The following MPHOSPH6 variants were observed in gnomAD, a reference collection of about 807,000 sequenced individuals.
MPHOSPH6 encodes M-phase phosphoprotein 6.
MPHOSPH6 carries 25 observed loss-of-function variants against 21.8 expected under a neutral mutation model. The ratio of observed to expected loss-of-function variants is 1.15; its 90% CI spans 0.83 to 1.60. The LOEUF is 1.60. Among genes scored for constraint, MPHOSPH6 ranks in the 40% most tolerant of loss-of-function variants. The probability of loss-of-function intolerance (pLI) is 0.00; values close to 1 mark genes in which losing one functional copy is unlikely to be tolerated. For missense variants in MPHOSPH6, 269 were observed against 181.8 expected (o/e 1.48, Z -2.76); for synonymous variants, 84 against 56.5 (o/e 1.49, Z -2.18).
intron 1 of MPHOSPH6, among the ~76,000 whole-genome samples, chr16:82,166,890 T>C (rs1906799904): frequency 6.6e-6 from 1 of 152,166 alleles, no homozygotes; most frequent in Non-Finnish European, 1.5e-5. Context: ...GAACTCCCTG[T>C]GAATATGAAT....
intron 3 of MPHOSPH6, among the ~76,000 whole-genome samples, chr16:82,150,668 G>C (rs1906236352): frequency 6.6e-6 from 1 of 152,164 alleles, no homozygotes; most frequent in Non-Finnish European, 1.5e-5. Flanking sequence ...CTGATATTTA[G>C]TTGGTAGAGA....
At chr16:82,151,352 C>T (rs1906258115) in intron 3 of MPHOSPH6, 72 bp downstream of exon 3, 1 of 1,580,700 alleles carries the variant, frequency 6.3e-7, no homozygotes, top group African/African-American at 1.4e-5. Context: ...TGGAGAAACA[C>T]CTAAGCCCAA....
At position 82,151,471 on chromosome 16, in the gene MPHOSPH6, G is replaced by A; in HGVS notation, c.208C>T (p.Leu70Phe). Residue 70 changes from leucine to phenylalanine, a missense_variant, in exon 3 of 5, where the codon CTT becomes TTT. By Grantham distance (22) the Leu-to-Phe change is conservative. Transcript: ENST00000258169. ...EEQSFLLCED[L>F]LYGRMSFRGF... ...CTGAATGACATTCTTCCATAGAGAAGATCTTCACATAGTAAGAAACTCTGC... is the reference window on the plus strand; with the variant it reads ...CTGAATGACATTCTTCCATAGAGAAAATCTTCACATAGTAAGAAACTCTGC... 6.2e-7 allele frequency: 1 copy of A among 1,606,152 alleles called. No individual in the cohort carries two copies. The highest frequency in any genetic ancestry group is 8.5e-7 in the Non-Finnish European group (1 of 1,176,722).
chr16:82,156,956 G>C lies in MPHOSPH6; in HGVS notation c.165-5442C>G, dbSNP rs186803601. On this transcript the variant is annotated intron_variant, in intron 2 of 4. Coordinates refer to ENST00000258169, the MANE Select transcript of MPHOSPH6 (RefSeq NM_005792.2). ...TAATCCCAGCTACTCCGGAGGCTGA[G>C]GCAGGAGAACCGCTTGAACCTGGGA... 1.4e-3 allele frequency among the ~76,000 whole-genome samples: 217 copies of C among 152,308 alleles called. 1 individual carries two copies. Among genetic ancestry groups the C allele is most frequent in the Middle Eastern group, 3.4e-3 (1 of 294 alleles).
In MPHOSPH6 at chr16:82,153,761, A is replaced by G. The variant is rs144674277; in HGVS notation, c.165-2247T>C. 2.4e-3 allele frequency among the ~76,000 whole-genome samples: 362 copies of G among 152,338 alleles called. 2 individuals carry two copies. Among genetic ancestry groups the G allele is most frequent in the African/African-American group, 8.3e-3 (347 of 41,586 alleles). On this transcript the variant is annotated intron_variant, in intron 2 of 4. Coordinates refer to ENST00000258169, the MANE Select transcript of MPHOSPH6 (RefSeq NM_005792.2). Reference sequence around the variant, plus strand: ...TGATTTCTGGGAGAACACCTGCTGCATTAGCTTCCTGTGGCTGCTGTAACA... The same window carrying G: ...TGATTTCTGGGAGAACACCTGCTGCGTTAGCTTCCTGTGGCTGCTGTAACA...
At chr16:82,163,887 AG>A in intron 2 of MPHOSPH6, 194 bp downstream of exon 2, 1 of 494,128 alleles carries the variant, frequency 2.0e-6, no homozygotes, top group Non-Finnish European at 3.5e-6. Context: ...AGTGGCTGGG[AG>A]GGGGAGTAGT....
In MPHOSPH6 at chr16:82,148,909, T is replaced by C. The variant is rs372825002; in HGVS notation, c.351-46A>G. 5.6e-6 allele frequency: 9 copies of C among 1,607,798 alleles called. No homozygotes were observed. In the African/African-American group the frequency reaches 6.7e-5, roughly 12 times the overall value. ...ACACGTTTAATTTCAAATAAAAAGG[T>C]AGGGATCAAGCCTTGTCAAGAATAT... is the stretch of plus-strand genomic sequence containing the variant. On this transcript the variant is annotated intron_variant, in intron 4 of 4. Coordinates refer to ENST00000258169, the MANE Select transcript of MPHOSPH6 (RefSeq NM_005792.2).
chr16:82,165,120 TA>T (rs770424914), intron 1 of MPHOSPH6, among the ~76,000 whole-genome samples: 42,760 of 85,436 alleles, frequency 0.5, 14,201 homozygotes, highest in Non-Finnish European at 0.57. Context: ...ATTTCTTTTT[TA>T]TTTTTTTTTT....
intron 3 of MPHOSPH6, 35 bp downstream of exon 3, chr16:82,151,389 A>G (rs1906259576): frequency 6.3e-7 from 1 of 1,598,954 alleles, no homozygotes; most frequent in Non-Finnish European, 8.5e-7. Flanking sequence ...ATTCAATTGG[A>G]AAAATTTTTA....
chr16:82,148,689 C>G lies in MPHOSPH6; in HGVS notation c.*42G>C. ...GGATGAGCTCCAGATGCCCTGCTGA[C>G]TTCCACCAAGCACCCCTGGGCCATC... is the stretch of plus-strand genomic sequence containing the variant. On this transcript the variant is annotated 3_prime_UTR_variant, in exon 5 of 5. Coordinates refer to ENST00000258169, the MANE Select transcript of MPHOSPH6 (RefSeq NM_005792.2). The G allele has an allele frequency of 1.9e-6, 3 of 1,604,944 alleles. No homozygotes were observed. The highest frequency in any genetic ancestry group is 2.6e-6 in the Non-Finnish European group (3 of 1,175,242).
intron 1 of MPHOSPH6, among the ~76,000 whole-genome samples, chr16:82,168,921 G>A (rs549858347): frequency 4.6e-5 from 7 of 152,166 alleles, no homozygotes; most frequent in East Asian, 1.9e-4. Flanking sequence ...CCAGGGTTCT[G>A]GAGCCAGACT....
At chr16:82,169,112 T>C (rs1237273775) in intron 1 of MPHOSPH6, among the ~76,000 whole-genome samples, 1 of 152,242 alleles carries the variant, frequency 6.6e-6, no homozygotes, top group African/African-American at 2.4e-5. Flanking sequence ...TGTCTAGTAC[T>C]ATAAATATTT....
intron 2 of MPHOSPH6, among the ~76,000 whole-genome samples, chr16:82,163,559 G>T (rs1007242270): frequency 6.6e-6 from 1 of 152,164 alleles, no homozygotes; most frequent in Non-Finnish European, 1.5e-5. Context: ...AGTTTGCTAC[G>T]AAGATTCAAT....
At chr16:82,158,498 CAAAAAAAAA>C (rs3037959) in intron 2 of MPHOSPH6, among the ~76,000 whole-genome samples, 3 of 81,504 alleles carry the variant, frequency 3.7e-5, no homozygotes, top group African/African-American at 1.4e-4. Flanking sequence ...GACTCCGTCT[CAAAAAAAAA>C]AAAAAAAAAA....
chr16:82,163,994 T>A lies in MPHOSPH6; in HGVS notation c.164+88A>T, dbSNP rs574136064. 6 of 818,946 alleles carry A rather than the reference T, an allele frequency of 7.3e-6. No homozygotes were observed. The African/African-American group carries it at 1.0e-4, about 14-fold the overall frequency. 50.7% of individuals were successfully genotyped at this position (818,946 alleles called of 1,614,324 possible). On this transcript the variant is annotated intron_variant, in intron 2 of 4. Coordinates refer to ENST00000258169, the MANE Select transcript of MPHOSPH6 (RefSeq NM_005792.2). ...CTGAACAGAAACAATTTCATGGGCT[T>A]TATGTCACCGGAATGATGAGTTAAA...
chr16:82,170,104 G>A (rs750524814), intron 1 of MPHOSPH6, 21 bp downstream of exon 1: 3 of 1,586,678 alleles, frequency 1.9e-6, no homozygotes, highest in Non-Finnish European at 2.6e-6. Flanking sequence ...GCCCGGAGTG[G>A]CGCTCTCAGC....
chr16:82,151,660 A>G (rs1474520845), intron 2 of MPHOSPH6, 146 bp from the exon 3 acceptor site: 7 of 1,233,536 alleles, frequency 5.7e-6, no homozygotes, highest in Non-Finnish European at 7.3e-6. Context: ...AGGGTTAAAA[A>G]TAAAATCTGA....
intron 1 of MPHOSPH6, chr16:82,164,740 G>A (rs1369727128): frequency 6.6e-6 from 1 of 152,368 alleles, no homozygotes; most frequent in Non-Finnish European, 1.5e-5. Context: ...CCAATATGAT[G>A]ACTGAAGCAC....
intron 1 of MPHOSPH6, among the ~76,000 whole-genome samples, chr16:82,169,593 T>C (rs774904795): frequency 6.6e-5 from 10 of 152,174 alleles, no homozygotes; most frequent in African/African-American, 2.4e-4. Context: ...TATATACACA[T>C]ATACATCTTG....
Sources: gnomAD v4.1 joint callset for allele counts (sites outside exome capture counted in the v4.1 genomes callset) on GRCh38, gnomAD v4.1.1 for gene constraint, MANE v1.5 for transcripts, NCBI Gene and HGNC (gene_info 2026-07-23, HGNC 2026-07-21) for gene names.